Variants in DNAH11 observed in about 807,000 individuals in gnomAD.
The protein encoded by DNAH11 is dynein axonemal heavy chain 11.
A neutral mutation model predicts 526.0 loss-of-function variants in DNAH11; 442 were observed. That is an observed-to-expected ratio of 0.84 (90% CI 0.78 to 0.91). The LOEUF (loss-of-function observed/expected upper bound fraction) is 0.91. DNAH11 is among the 40% of genes least tolerant of loss of function. DNAH11 has a pLI of 0.00. For missense variants in DNAH11, 6,989 were observed against 5,448.7 expected (o/e 1.28, Z -8.90); for synonymous variants, 2,461 against 1,935.9 (o/e 1.27, Z -7.12).
intron 57 of DNAH11, among the ~76,000 whole-genome samples, chr7:21,780,828 A>G (rs192871681): frequency 4.7e-4 from 72 of 152,306 alleles, no homozygotes; most frequent in Non-Finnish European, 7.4e-5. Flanking sequence ...GTCACCAGGC[A>G]GTGTTGTAGA....
At chr7:21,756,975 T>C (rs1200579638) in intron 54 of DNAH11, among the ~76,000 whole-genome samples, 1 of 152,218 alleles carries the variant, frequency 6.6e-6, no homozygotes, top group African/African-American at 2.4e-5. Flanking sequence ...CTTTTCTCAA[T>C]ATTTTACAGC....
At chr7:21,876,795 A>C (rs1783731232) in intron 74 of DNAH11, among the ~76,000 whole-genome samples, 1 of 152,256 alleles carries the variant, frequency 6.6e-6, no homozygotes, top group Non-Finnish European at 1.5e-5. Context: ...TTTGTTGTGC[A>C]AGTGCTTCCT....
chr7:21,552,482 A>C (rs1783059129), intron 2 of DNAH11, among the ~76,000 whole-genome samples: 1 of 152,092 alleles, frequency 6.6e-6, no homozygotes, highest in Non-Finnish European at 1.5e-5. Context: ...TTCTTTTTCT[A>C]CAAACTGCAA....
chr7:21,570,306 A>T lies in DNAH11; in HGVS notation c.1425+7A>T. On this transcript the variant is annotated splice_region_variant and intron_variant, in intron 7 of 81. Transcript: ENST00000409508. ...TCGTTTAATAAAAATAGAGGTATTC[A>T]TTTTTTGATTTTATTTATTCATGTT... The T allele has an allele frequency of 1.3e-6, 2 of 1,582,806 alleles. No homozygotes were observed. The highest frequency in any genetic ancestry group is 2.2e-5 in the East Asian group (1 of 44,554).
At chr7:21,792,504 A>G (rs543865924) in intron 61 of DNAH11, among the ~76,000 whole-genome samples, 3 of 152,206 alleles carry the variant, frequency 2.0e-5, no homozygotes, top group Admixed American at 1.3e-4. Flanking sequence ...GTAGATTTCA[A>G]CAGTAAAGCC....
In DNAH11 at chr7:21,797,113, A is replaced by G. The variant is rs568480095; in HGVS notation, c.10027-4024A>G. On this transcript the variant is annotated intron_variant, in intron 61 of 81. Coordinates refer to ENST00000409508, the MANE Select transcript of DNAH11 (RefSeq NM_001277115.2). ...AGAGAAAAATTTTTTGAAAACAAGGAGAAAGGTACAAACAATATTAAGAGT... is the reference window on the plus strand; with the variant it reads ...AGAGAAAAATTTTTTGAAAACAAGGGGAAAGGTACAAACAATATTAAGAGT... Among the ~76,000 whole-genome samples the G allele has an allele frequency of 1.1e-4, 16 of 152,306 alleles. No homozygotes were observed. In the East Asian group the frequency reaches 3.1e-3, roughly 29 times the overall value.
At chr7:21,734,049 A>G (rs1410935556) in intron 45 of DNAH11, among the ~76,000 whole-genome samples, 1 of 152,206 alleles carries the variant, frequency 6.6e-6, no homozygotes, top group Non-Finnish European at 1.5e-5. Context: ...ATTCACACCC[A>G]GGCAGCCTGG....
intron 20 of DNAH11, among the ~76,000 whole-genome samples, chr7:21,611,413 A>C (rs1583527117): frequency 6.6e-6 from 1 of 152,120 alleles, no homozygotes; most frequent in South Asian, 2.1e-4. Context: ...CAAATAGCTT[A>C]TTGTGAGACT....
intron 28 of DNAH11, among the ~76,000 whole-genome samples, chr7:21,642,311 T>C (rs188047556): frequency 2.0e-5 from 3 of 152,254 alleles, no homozygotes; most frequent in East Asian, 3.9e-4. Flanking sequence ...GAGTGACTTG[T>C]TGAGAAGGAG....
intron 76 of DNAH11, 149 bp downstream of exon 76, chr7:21,884,559 C>T (rs1784051697): frequency 1.2e-5 from 10 of 855,690 alleles, no homozygotes; most frequent in Admixed American, 3.0e-5. Context: ...AGCGGAATCT[C>T]GGGTTCCATC....
At chr7:21,878,207 G>C (rs535029093) in intron 74 of DNAH11, among the ~76,000 whole-genome samples, 1 of 152,154 alleles carries the variant, frequency 6.6e-6, no homozygotes, top group East Asian at 1.9e-4. Flanking sequence ...CTTTTCTTCA[G>C]AAAGCCTGAT....
At chr7:21,897,991 C>G (rs1308062766) in intron 79 of DNAH11, among the ~76,000 whole-genome samples, 1 of 152,124 alleles carries the variant, frequency 6.6e-6, no homozygotes, top group Non-Finnish European at 1.5e-5. Flanking sequence ...TATTATTCTC[C>G]CTTACGCTGT....
At chr7:21,708,448 G>T (rs998764156) in intron 40 of DNAH11, among the ~76,000 whole-genome samples, 1 of 152,044 alleles carries the variant, frequency 6.6e-6, no homozygotes, top group Admixed American at 6.5e-5. Flanking sequence ...ATCATGTCTC[G>T]CCTGTACTAC....
At chr7:21,767,201 G>A (rs555695344) in intron 55 of DNAH11, among the ~76,000 whole-genome samples, 2 of 152,182 alleles carry the variant, frequency 1.3e-5, no homozygotes, top group Non-Finnish European at 2.9e-5. Context: ...GAGAGAGTCA[G>A]TATGTATCTT....
chr7:21,716,644 A>G (rs1353680829), intron 42 of DNAH11, among the ~76,000 whole-genome samples: 2 of 152,162 alleles, frequency 1.3e-5, no homozygotes, highest in Non-Finnish European at 2.9e-5. Context: ...GGGTAAAATC[A>G]GTAGTTGAGA....
chr7:21,679,200 A>G (rs151270558), intron 30 of DNAH11, among the ~76,000 whole-genome samples: 224 of 152,320 alleles, frequency 1.5e-3, no homozygotes, highest in African/African-American at 5.2e-3. Flanking sequence ...AAAGTCTAAC[A>G]CATAGTAACG....
At chr7:21,852,406 A>C in intron 66 of DNAH11, 61 bp from the exon 67 acceptor site, 2 of 441,880 alleles carry the variant, frequency 4.5e-6, no homozygotes, top group Non-Finnish European at 5.4e-6. Context: ...GACTTCCTCT[A>C]AAAAAAAAAA....
At position 21,704,493 on chromosome 7, in the gene DNAH11, A is replaced by G; in HGVS notation, c.6333A>G (p.Pro2111=). Residue 2111 remains proline (P), a synonymous_variant, in exon 38 of 82, where the codon CCA becomes CCG. Transcript: ENST00000409508. ...NMPKIVTDDI[P]VFLGLVGDLF... ...CCAAAATAGTGACTGACGACATCCCAGTGTTTCTGGGCCTGGTCGGTGACC... is the reference window on the plus strand; with the variant it reads ...CCAAAATAGTGACTGACGACATCCCGGTGTTTCTGGGCCTGGTCGGTGACC... The G allele has an allele frequency of 6.2e-7, 1 of 1,613,806 alleles. No homozygotes were observed. Among genetic ancestry groups the G allele is most frequent in the Non-Finnish European group, 8.5e-7 (1 of 1,179,840 alleles).
At chr7:21,739,003 A>C in intron 47 of DNAH11, 137 bp downstream of exon 47, 2 of 870,622 alleles carry the variant, frequency 2.3e-6, no homozygotes, top group Non-Finnish European at 1.6e-6. Context: ...AATTATCCCC[A>C]GTTTCTTCTA....
Sources: allele counts gnomAD v4.1 joint callset (sites outside exome capture counted in the v4.1 genomes callset), GRCh38; gene constraint gnomAD v4.1.1; transcripts MANE v1.5; gene names NCBI Gene and HGNC (gene_info 2026-07-23, HGNC 2026-07-21).